The following RAB28 variants were observed in gnomAD, a reference collection of about 807,000 sequenced individuals.
RAB28 encodes the protein RAB28, member RAS oncogene family.
Under a neutral mutation model 31.7 loss-of-function variants are expected in RAB28, and 24 were observed. The observed-to-expected ratio is 0.76, with a 90% CI of 0.55 to 1.06. The LOEUF (loss-of-function observed/expected upper bound fraction) is 1.06, where lower values mean the gene tolerates loss of function less well. Ranked by LOEUF, RAB28 falls within the 50% of genes least tolerant of loss-of-function variation. RAB28 has a pLI of 0.00. For synonymous variants in RAB28, 100 were observed against 90.4 expected, an observed-to-expected ratio of 1.11 and a Z score of -0.60; for missense variants, 254 against 258.5, an observed-to-expected ratio of 0.98 and a Z score of 0.12.
At chr4:13,458,185 C>A (rs866108566) in intron 4 of RAB28, among the ~76,000 whole-genome samples, 1 of 152,106 alleles carries the variant, frequency 6.6e-6, no homozygotes, top group Non-Finnish European at 1.5e-5. Context: ...ACAATTTCTA[C>A]CCAAGCCATA....
intron 4 of RAB28, among the ~76,000 whole-genome samples, chr4:13,417,457 T>A: frequency 6.6e-6 from 1 of 152,180 alleles, no homozygotes; most frequent in Non-Finnish European, 1.5e-5. Flanking sequence ...CCCTGACCCC[T>A]ATGTAGCCTA....
chr4:13,379,049 T>C (rs971167561), intron 5 of RAB28, among the ~76,000 whole-genome samples: 4 of 150,946 alleles, frequency 2.6e-5, no homozygotes, highest in Non-Finnish European at 5.9e-5. Context: ...CTACTAAAAA[T>C]ACAAAAAATT....
chr4:13,417,938 A>G (rs1485996679), intron 4 of RAB28, among the ~76,000 whole-genome samples: 1 of 152,188 alleles, frequency 6.6e-6, no homozygotes. Context: ...AAGGTTGGTA[A>G]TAACAAACTT....
chr4:13,378,760 C>G (rs962990293), intron 5 of RAB28, among the ~76,000 whole-genome samples: 3 of 152,018 alleles, frequency 2.0e-5, no homozygotes, highest in African/African-American at 7.2e-5. Context: ...GATATGAGAA[C>G]AGATGGGGTA....
chr4:13,451,593 ATTTG>A (rs1014379462), intron 4 of RAB28, among the ~76,000 whole-genome samples: 1 of 151,628 alleles, frequency 6.6e-6, no homozygotes, highest in African/African-American at 2.4e-5. Flanking sequence ...CAATAATCCC[ATTTG>A]TTTATTTTTG....
At chr4:13,469,100 A>G (rs1716002168) in intron 3 of RAB28, among the ~76,000 whole-genome samples, 1 of 151,996 alleles carries the variant, frequency 6.6e-6, no homozygotes, top group Non-Finnish European at 1.5e-5. Context: ...CAAATCCCTA[A>G]GTTTCTGACC....
intron 1 of RAB28, among the ~76,000 whole-genome samples, chr4:13,483,072 T>C (rs767324735): frequency 2.6e-5 from 4 of 152,122 alleles, no homozygotes; most frequent in Non-Finnish European, 5.9e-5. Flanking sequence ...CCAGAAAGTG[T>C]TGGCGCCTTT....
intron 4 of RAB28, among the ~76,000 whole-genome samples, chr4:13,401,938 G>A (rs1293432873): frequency 2.0e-5 from 3 of 152,126 alleles, no homozygotes; most frequent in Non-Finnish European, 4.4e-5. Flanking sequence ...CACTGCATTG[G>A]CAGCATGCCA....
chr4:13,369,839 TC>T, intron 6 of RAB28: 1 of 1,575,996 alleles, frequency 6.3e-7, no homozygotes, highest in Non-Finnish European at 8.6e-7. Flanking sequence ...CCTTCCCACC[TC>T]CCCAAACTGT....
chr4:13,389,343 T>A (rs1729524292), intron 4 of RAB28, among the ~76,000 whole-genome samples: 1 of 152,140 alleles, frequency 6.6e-6, no homozygotes, highest in Non-Finnish European at 1.5e-5. Context: ...GCTATAGAAT[T>A]CCAGATTTGC....
At chr4:13,416,952 C>G (rs1201751354) in intron 4 of RAB28, among the ~76,000 whole-genome samples, 1 of 152,224 alleles carries the variant, frequency 6.6e-6, no homozygotes, top group Admixed American at 6.5e-5. Flanking sequence ...ACCCAGGAAA[C>G]ACAAGGGGTC....
At chr4:13,420,577 T>C (rs1206645641) in intron 4 of RAB28, among the ~76,000 whole-genome samples, 3 of 152,106 alleles carry the variant, frequency 2.0e-5, no homozygotes, top group African/African-American at 2.4e-5. Flanking sequence ...GTCGGCTTCA[T>C]CCCTGGGATG....
intron 4 of RAB28, among the ~76,000 whole-genome samples, chr4:13,439,263 T>G (rs1048688953): frequency 3.9e-5 from 6 of 152,226 alleles, no homozygotes; most frequent in Non-Finnish European, 7.3e-5. Flanking sequence ...AATTTTTAAT[T>G]TTGATGTAAT....
At chr4:13,481,016 G>A (rs1237045199) in intron 1 of RAB28, among the ~76,000 whole-genome samples, 2 of 151,858 alleles carry the variant, frequency 1.3e-5, no homozygotes, top group South Asian at 2.1e-4. Context: ...ATAGACTGAT[G>A]GTTGAAATAC....
chr4:13,440,685 T>G (rs1319204294), intron 4 of RAB28, among the ~76,000 whole-genome samples: 2 of 152,058 alleles, frequency 1.3e-5, no homozygotes, highest in Non-Finnish European at 2.9e-5. Context: ...GTGGACTGAA[T>G]TGTATCACCC....
intron 4 of RAB28, among the ~76,000 whole-genome samples, chr4:13,405,296 G>A (rs914096992): frequency 2.6e-5 from 4 of 152,080 alleles, no homozygotes; most frequent in Admixed American, 1.3e-4. Flanking sequence ...AATTAAGCCC[G>A]AGAAGTGTAT....
intron 1 of RAB28, among the ~76,000 whole-genome samples, chr4:13,483,039 G>A (rs1000180776): frequency 3.9e-5 from 6 of 152,122 alleles, no homozygotes; most frequent in African/African-American, 9.7e-5. Context: ...GGAGTACAGG[G>A]GTGATAAACT....
intron 4 of RAB28, among the ~76,000 whole-genome samples, chr4:13,396,562 C>CTTA (rs1370418583): frequency 6.6e-6 from 1 of 151,960 alleles, no homozygotes; most frequent in African/African-American, 2.4e-5. Flanking sequence ...GATTCTTAAA[C>CTTA]CAACCTTCTT....
chr4:13,435,380 A>T (rs1291679980), intron 4 of RAB28, among the ~76,000 whole-genome samples: 2 of 152,230 alleles, frequency 1.3e-5, no homozygotes, highest in Admixed American at 6.5e-5. Context: ...CTAAGATCAG[A>T]GCATAACTAA....
Sources: gnomAD v4.1 joint callset for allele counts (sites outside exome capture counted in the v4.1 genomes callset) on GRCh38, gnomAD v4.1.1 for gene constraint, MANE v1.5 for transcripts, NCBI Gene and HGNC (gene_info 2026-07-23, HGNC 2026-07-21) for gene names.